The following KIAA0319 variants were observed in gnomAD, a reference collection of about 807,000 sequenced individuals.
The protein encoded by KIAA0319 is dyslexia-associated protein KIAA0319.
Under a neutral mutation model 108.4 loss-of-function variants are expected in KIAA0319, and 83 were observed. That is an observed-to-expected ratio of 0.77 (90% confidence interval 0.64 to 0.92). The LOEUF (loss-of-function observed/expected upper bound fraction) is 0.92, where lower values mean the gene tolerates loss of function less well. Among genes scored for constraint, KIAA0319 ranks in the 40% least tolerant of loss-of-function variants. The probability of loss-of-function intolerance (pLI) is 0.00; values close to 1 mark genes in which losing one functional copy is unlikely to be tolerated. For synonymous variants in KIAA0319, 484 were observed against 510.4 expected, an observed-to-expected ratio of 0.95 and a Z score of 0.70; for missense variants, 1,195 against 1,322.4, an observed-to-expected ratio of 0.90 and a Z score of 1.49.
At chr6:24,568,561 T>G (rs1691881626) in intron 13 of KIAA0319, among the ~76,000 whole-genome samples, 2 of 152,380 alleles carry the variant, frequency 1.3e-5, no homozygotes, top group Middle Eastern at 3.4e-3. Context: ...TTAGAAGATA[T>G]GCTCCACAAA....
intron 1 of KIAA0319, among the ~76,000 whole-genome samples, chr6:24,631,369 G>A (rs1030610787): frequency 1.3e-5 from 2 of 152,206 alleles, no homozygotes; most frequent in African/African-American, 4.8e-5. Context: ...TCATTGGGAG[G>A]GTCAACTTGA....
chr6:24,632,035 C>T (rs1775647409), intron 1 of KIAA0319, among the ~76,000 whole-genome samples: 1 of 152,188 alleles, frequency 6.6e-6, no homozygotes, highest in African/African-American at 2.4e-5. Flanking sequence ...TATCAGCAGA[C>T]CTATGATCAG....
intron 1 of KIAA0319, among the ~76,000 whole-genome samples, chr6:24,626,471 G>A (rs1314992400): frequency 1.3e-5 from 2 of 152,148 alleles, no homozygotes; most frequent in Admixed American, 1.3e-4. Context: ...GGTGAAGGTT[G>A]CAGTGAGCAG....
At chr6:24,572,335 G>A (rs1764838325) in intron 11 of KIAA0319, among the ~76,000 whole-genome samples, 1 of 152,190 alleles carries the variant, frequency 6.6e-6, no homozygotes, top group South Asian at 2.1e-4. Flanking sequence ...GGGCACGTGT[G>A]GAAGCATCCA....
Position 24,645,852 on chromosome 6 carries a change from C to CAA in KIAA0319, c.-223_-222insTT, listed in dbSNP as rs1777547066. On this transcript the variant is annotated 5_prime_UTR_variant, in exon 1 of 21. Transcript: ENST00000378214. The stretch of plus-strand genomic sequence containing the variant: ...TCATCGCAGGTCTTACACACACACA[C>CAA]ACACACACACACACACACACACACA... 5.1e-5 allele frequency: 1 copy of CAA among 19,650 alleles called. No individual in the cohort carries two copies. The highest frequency in any genetic ancestry group is 8.6e-5 in the Non-Finnish European group (1 of 11,570). The allele number at this position is 19,650 out of a possible 1,614,324, so 1.2% of individuals were successfully genotyped here.
At chr6:24,540,928 T>C (rs1023694403), downstream of KIAA0319, among the ~76,000 whole-genome samples, 1 of 146,540 alleles carries the variant, frequency 6.8e-6, no homozygotes, top group East Asian at 2.0e-4. Flanking sequence ...CACTCGTTTT[T>C]ATGTGCACTC....
chr6:24,591,839 C>A (rs759315131), intron 3 of KIAA0319, among the ~76,000 whole-genome samples: 20 of 152,096 alleles, frequency 1.3e-4, no homozygotes, highest in Non-Finnish European at 2.6e-4. Context: ...CTTCTATGAT[C>A]TTTGGAGAAA....
rs1765811139 is a variant in KIAA0319 at position 24,578,137 on chromosome 6, T to A, written c.1478A>T (p.Asn493Ile). The change falls in exon 9 of 21, where the codon AAC (asparagine) becomes ATC (isoleucine). Residue 493 changes from asparagine to isoleucine, a missense_variant. Asn to Ile is a moderately radical substitution (Grantham distance 149). Coordinates refer to ENST00000378214, the MANE Select transcript of KIAA0319 (RefSeq NM_014809.4). ...GAAACTATAGTTACCAGGATCAAGG[T>A]TAGACAAGCGTAAGACGGGAGAGTC... ...SVDSPVLRLS[N>I]LDPGNYSFRL... The A allele has an allele frequency of 6.2e-7, 1 of 1,612,662 alleles. No homozygotes were observed.
At position 24,563,330 on chromosome 6, in the gene KIAA0319, A is replaced by G. The variant is rs748864298; in HGVS notation, c.2591+29T>C. ...TAAGAGCTGGAATTTTGTACGGCCA[A>G]GGCCCCGCCTTGAGTGTGCAGCTCC... On this transcript the variant is annotated intron_variant, in intron 16 of 20. Transcript: ENST00000378214. 3.8e-6 allele frequency: 6 copies of G among 1,595,320 alleles called. No individual in the cohort carries two copies. The African/African-American group carries it at 6.7e-5, about 18-fold the overall frequency.
At chr6:24,639,546 AAG>A (rs969456255) in intron 1 of KIAA0319, among the ~76,000 whole-genome samples, 2 of 152,198 alleles carry the variant, frequency 1.3e-5, no homozygotes, top group African/African-American at 2.4e-5. Flanking sequence ...CTTTTAAAAA[AAG>A]AGTTATTATA....
At chr6:24,595,781 T>C in intron 3 of KIAA0319, 92 bp downstream of exon 3, 1 of 1,422,836 alleles carries the variant, frequency 7.0e-7, no homozygotes, top group Non-Finnish European at 9.5e-7. Flanking sequence ...TCATACAGCC[T>C]GAATGAGTGC....
chr6:24,626,914 C>T (rs1474977185), intron 1 of KIAA0319, among the ~76,000 whole-genome samples: 1 of 152,048 alleles, frequency 6.6e-6, no homozygotes, highest in Non-Finnish European at 1.5e-5. Flanking sequence ...TTCCAATTTG[C>T]AGGAAGGTAA....
chr6:24,595,245 G>A (rs1435227413), intron 3 of KIAA0319, among the ~76,000 whole-genome samples: 1 of 152,044 alleles, frequency 6.6e-6, no homozygotes, highest in Non-Finnish European at 1.5e-5. Flanking sequence ...ATCTCCCGTT[G>A]CCTTAAATGT....
chr6:24,640,840 G>T (rs1776823148), intron 1 of KIAA0319, among the ~76,000 whole-genome samples: 2 of 151,716 alleles, frequency 1.3e-5, no homozygotes, highest in East Asian at 1.9e-4. Context: ...TTTTTGTGGA[G>T]ACGAGGTTTC....
intron 6 of KIAA0319, among the ~76,000 whole-genome samples, chr6:24,581,600 C>G (rs1766553978): frequency 6.6e-6 from 1 of 152,168 alleles, no homozygotes; most frequent in South Asian, 2.1e-4. Flanking sequence ...ATTGGCAACT[C>G]TAGAGATGTG....
chr6:24,560,827 A>G lies in KIAA0319; in HGVS notation c.2592-1672T>C, dbSNP rs559501638. 4.6e-5 allele frequency among the ~76,000 whole-genome samples: 7 copies of G among 152,268 alleles called. No individual in the cohort carries two copies. In the South Asian group the frequency reaches 1.5e-3, roughly 32 times the overall value. On this transcript the variant is annotated intron_variant, in intron 16 of 20. Transcript: ENST00000378214. Reference sequence around the variant, plus strand: ...CCAGTATAACTTCTTAACTAATTACATCTGTAATGACCCTATTTCTAAGTA... The same window carrying G: ...CCAGTATAACTTCTTAACTAATTACGTCTGTAATGACCCTATTTCTAAGTA...
At chr6:24,542,827 T>C (rs1760252923), downstream of KIAA0319, among the ~76,000 whole-genome samples, 1 of 151,988 alleles carries the variant, frequency 6.6e-6, no homozygotes, top group Non-Finnish European at 1.5e-5. Flanking sequence ...AGAGTTCACC[T>C]GAACCAGTCA....
intron 14 of KIAA0319, among the ~76,000 whole-genome samples, chr6:24,565,752 CAAA>C (rs71542686): frequency 3.2e-5 from 2 of 62,712 alleles, no homozygotes; most frequent in Non-Finnish European, 6.3e-5. Flanking sequence ...GACTCCATCT[CAAA>C]AAAAAAAAAA....
intron 4 of KIAA0319, among the ~76,000 whole-genome samples, chr6:24,585,139 C>T (rs962794598): frequency 6.6e-5 from 10 of 152,086 alleles, no homozygotes; most frequent in African/African-American, 1.2e-4. Flanking sequence ...ACAGCCTCTG[C>T]GACACATGGA....
Sources: allele counts gnomAD v4.1 joint callset (sites outside exome capture counted in the v4.1 genomes callset), GRCh38; gene constraint gnomAD v4.1.1; transcripts MANE v1.5; gene names NCBI Gene and HGNC (gene_info 2026-07-23, HGNC 2026-07-21).